The following VAPB variants were observed in gnomAD, a reference collection of about 807,000 sequenced individuals.
VAPB encodes the protein vesicle-associated membrane protein-associated protein B/C.
A neutral mutation model predicts 25.6 loss-of-function variants in VAPB; 7 were observed. That is an observed-to-expected ratio of 0.27 (90% CI 0.16 to 0.51). VAPB has a LOEUF of 0.51. Ranked by LOEUF, VAPB falls within the 20% of genes least tolerant of loss-of-function variation. VAPB has a pLI of 0.97. For missense variants in VAPB, 266 were observed against 301.3 expected (o/e 0.88, Z 0.87); for synonymous variants, 112 against 109.2 (o/e 1.03, Z -0.16).
chr20:58,422,629 A>G (rs1481526373), intron 2 of VAPB, among the ~76,000 whole-genome samples: 1 of 149,690 alleles, frequency 6.7e-6, no homozygotes, highest in East Asian at 1.9e-4. Context: ...TTAGTGCTTC[A>G]GTTAATAATG....
chr20:58,435,132 C>T (rs78850812), intron 3 of VAPB, among the ~76,000 whole-genome samples: 2,045 of 152,254 alleles, frequency 0.013, 51 homozygotes, highest in African/African-American at 0.047. Context: ...TGTCCTCACC[C>T]ATTTAGACAT....
chr20:58,421,357 C>T (rs185457470), intron 2 of VAPB, among the ~76,000 whole-genome samples: 1 of 152,262 alleles, frequency 6.6e-6, no homozygotes, highest in East Asian at 1.9e-4. Context: ...TTGCATAATA[C>T]TTGAATTGAC....
intron 1 of VAPB, among the ~76,000 whole-genome samples, chr20:58,389,952 C>T (rs893172331): frequency 6.6e-6 from 1 of 152,226 alleles, no homozygotes; most frequent in Admixed American, 6.5e-5. Flanking sequence ...CCGTGCACAC[C>T]TGCTGTCATT....
chr20:58,400,744 G>A (rs1252349082), intron 1 of VAPB, among the ~76,000 whole-genome samples: 1 of 152,166 alleles, frequency 6.6e-6, no homozygotes, highest in Admixed American at 6.5e-5. Flanking sequence ...ATGATCATTT[G>A]AAACAGAAGC....
chr20:58,449,308 C>G lies in VAPB; in HGVS notation c.*5073C>G, dbSNP rs559731696. The G allele has an allele frequency of 4.7e-5, 21 of 449,358 alleles. 1 individual carries two copies. The highest frequency in any genetic ancestry group is 3.2e-4 in the South Asian group (20 of 63,056). The allele number at this position is 449,358 out of a possible 1,614,324, so 27.8% of individuals were successfully genotyped here. Reference sequence around the variant, plus strand: ...TATCTACGGCACTTAACAATAGGGGCTTTTTATTTTCATTACAGAGATATT... The same window carrying G: ...TATCTACGGCACTTAACAATAGGGGGTTTTTATTTTCATTACAGAGATATT... On this transcript the variant is annotated 3_prime_UTR_variant, in exon 6 of 6. Transcript: ENST00000475243.
chr20:58,418,443 A>T (rs1772318724), intron 2 of VAPB, 80 bp downstream of exon 2: 1 of 1,554,948 alleles, frequency 6.4e-7, no homozygotes, highest in African/African-American at 1.4e-5. Flanking sequence ...TTGTATTTGC[A>T]GTGTAGCAGA....
In VAPB at chr20:58,444,159, G is replaced by A. The variant is rs786205553; in HGVS notation, c.656G>A (p.Gly219Asp). 6.2e-7 allele frequency: 1 copy of A among 1,614,226 alleles called. No homozygotes were observed. Residue 219 changes from glycine to aspartate, a missense_variant, in exon 6 of 6, where the codon GGC (glycine) becomes GAC (aspartate). Physicochemically the swap from Gly to Asp is moderately conservative, Grantham distance 94. Around this residue, in one of 3 missense-constraint regions of VAPB, gnomAD observed 136 missense variants for 130.7 expected, o/e 1.04. Transcript: ENST00000475243. ...TTAGCCCCAACTGGGAAGGAAGAAG[G>A]CCTTAGCACCCGGCTCTTGGCTCTG... is the stretch of plus-strand genomic sequence containing the variant. ...SALAPTGKEE[G>D]LSTRLLALVV...
intron 3 of VAPB, among the ~76,000 whole-genome samples, chr20:58,435,024 C>A (rs6026272): frequency 6.6e-6 from 1 of 151,784 alleles, no homozygotes; most frequent in Non-Finnish European, 1.5e-5. Flanking sequence ...TCCTTTCTGC[C>A]CCGACAGAAA....
chr20:58,413,077 G>C (rs1054965418), intron 1 of VAPB, among the ~76,000 whole-genome samples: 1 of 150,506 alleles, frequency 6.6e-6, no homozygotes, highest in Non-Finnish European at 1.5e-5. Context: ...AGAGTAAAAA[G>C]CAACTATTTC....
At chr20:58,424,228 C>G (rs1315997256) in intron 2 of VAPB, among the ~76,000 whole-genome samples, 1 of 152,080 alleles carries the variant, frequency 6.6e-6, no homozygotes. Context: ...GCTCTCCAGT[C>G]TTGAATCTTG....
At chr20:58,393,736 G>GTTTTT (rs1987872204) in intron 1 of VAPB, among the ~76,000 whole-genome samples, 1 of 142,088 alleles carries the variant, frequency 7.0e-6, no homozygotes, top group Non-Finnish European at 1.6e-5. Context: ...GTTTTGTTTT[G>GTTTTT]TTTTGTTTTT....
chr20:58,390,856 C>G (rs1022254343), intron 1 of VAPB, among the ~76,000 whole-genome samples: 3 of 143,188 alleles, frequency 2.1e-5, no homozygotes, highest in African/African-American at 5.5e-5. Context: ...GCTGTCTGAT[C>G]GCTGGGAAAT....
At chr20:58,389,737 G>A (rs778989731) in intron 1 of VAPB, among the ~76,000 whole-genome samples, 3 of 152,170 alleles carry the variant, frequency 2.0e-5, no homozygotes, top group Non-Finnish European at 4.4e-5. Context: ...CGGGGCCTGC[G>A]CCTCCTCCCC....
rs1217685399 is a variant in VAPB, at chr20:58,446,377, G to C, written c.*2142G>C. ...CATGTCTTTGATAGGAGAGTGCTTA[G>C]GTGGTCCCCAACAGTGCCTAGGGGT... On this transcript the variant is annotated 3_prime_UTR_variant, in exon 6 of 6. Coordinates refer to ENST00000475243, the MANE Select transcript of VAPB (RefSeq NM_004738.5). 2.2e-6 allele frequency: 1 copy of C among 454,006 alleles called. No individual in the cohort carries two copies. Among genetic ancestry groups the C allele is most frequent in the Non-Finnish European group, 4.4e-6 (1 of 226,798 alleles). 28.1% of individuals were successfully genotyped at this position (454,006 alleles called of 1,614,324 possible).
At chr20:58,402,758 A>AT (rs1988130525) in intron 1 of VAPB, among the ~76,000 whole-genome samples, 1 of 152,044 alleles carries the variant, frequency 6.6e-6, no homozygotes, top group South Asian at 2.1e-4. Context: ...TAATCCAAGG[A>AT]TTTTGGGACT....
At chr20:58,427,461 AT>A (rs143869630) in intron 2 of VAPB, among the ~76,000 whole-genome samples, 791 of 52,132 alleles carry the variant, frequency 0.015, 3 homozygotes, top group East Asian at 0.048. Context: ...TGTTACCATT[AT>A]GATGCAGGTG....
In VAPB at chr20:58,419,921, A is replaced by G. The variant is rs138261212; in HGVS notation, c.211+1558A>G. Among the ~76,000 whole-genome samples, 84 of 152,310 alleles carry G rather than the reference A, an allele frequency of 5.5e-4. 1 individual carries two copies. In the East Asian group the frequency reaches 0.015, roughly 28 times the overall value. ...TAAAAGAATCTCAGTAGGTGGTTGT[A>G]CAATGTTAGTGTGTTTTCTGATATA... On this transcript the variant is annotated intron_variant, in intron 2 of 5. Coordinates refer to ENST00000475243, the MANE Select transcript of VAPB (RefSeq NM_004738.5).
At chr20:58,431,984 A>T (rs1390899687) in intron 2 of VAPB, among the ~76,000 whole-genome samples, 1 of 152,132 alleles carries the variant, frequency 6.6e-6, no homozygotes, top group Non-Finnish European at 1.5e-5. Context: ...ATGAGTAAAG[A>T]TTCTTTTCCT....
At position 58,436,358 on chromosome 20, in the gene VAPB, T is replaced by C. The variant is rs182473248; in HGVS notation, c.315+1653T>C. 2.5e-3 allele frequency among the ~76,000 whole-genome samples: 317 copies of C among 124,346 alleles called. 2 individuals carry two copies. Among genetic ancestry groups the C allele is most frequent in the African/African-American group, 9.3e-3 (303 of 32,666 alleles). 81.6% of individuals were successfully genotyped at this position (124,346 alleles called of 152,430 possible). On this transcript the variant is annotated intron_variant, in intron 3 of 5. Transcript: ENST00000475243. Reference sequence around the variant, plus strand: ...TTTTTTTTTTTTTTTTTTGGAGACATGATTTTACTGTGTCACCTAGGCTGG... The same window carrying C: ...TTTTTTTTTTTTTTTTTTGGAGACACGATTTTACTGTGTCACCTAGGCTGG...
Sources: gnomAD v4.1 joint callset for allele counts (sites outside exome capture counted in the v4.1 genomes callset) on GRCh38, gnomAD v4.1.1 for gene constraint, gnomAD v4.1.1 regional missense constraint, MANE v1.5 for transcripts, NCBI Gene and HGNC (gene_info 2026-07-23, HGNC 2026-07-21) for gene names.